The following FANCI variants were observed in gnomAD, a reference collection of about 807,000 sequenced individuals.
FANCI encodes FA complementation group I, also known as Fanconi anemia group I protein.
In FANCI, 156 loss-of-function variants were observed where a neutral mutation model predicts 176.1. That is an observed-to-expected ratio of 0.89 (90% confidence interval 0.78 to 1.01). The LOEUF is 1.01. Among genes scored for constraint, FANCI ranks in the 50% least tolerant of loss-of-function variants. FANCI has a pLI of 0.00. For synonymous variants in FANCI, 613 were observed against 541.7 expected (o/e 1.13, Z -1.83); for missense variants, 1,678 against 1,534.1 (o/e 1.09, Z -1.57).
intron 6 of FANCI, 106 bp downstream of exon 6, chr15:89,261,984 G>A: frequency 1.0e-6 from 1 of 989,328 alleles, no homozygotes; most frequent in East Asian, 2.6e-5. Context: ...CTTCTTTTTT[G>A]TTGTTTTTAA....
intron 17 of FANCI, among the ~76,000 whole-genome samples, chr15:89,284,368 C>G (rs543841886): frequency 6.6e-6 from 1 of 152,226 alleles, no homozygotes; most frequent in Middle Eastern, 3.4e-3. Flanking sequence ...ACTAGGAATC[C>G]TCACTTTATT....
Position 89,278,755 on chromosome 15 carries a change from TC to T in FANCI, c.1365del (p.Ile456SerfsTer5). ...ACAGGGTTGTTACCAGAGCATCTTC[TC>T]CCATCAGTCATTTCTTAGGTATTCA... ...LNRVVTRASS[P>X]ISHFLDLLSN... is the part of the protein sequence containing the mutation. On this transcript the variant is annotated frameshift_variant, in exon 14 of 38. Transcript: ENST00000310775. LOFTEE classifies it high-confidence loss of function. 6.2e-7 allele frequency: 1 copy of T among 1,613,402 alleles called. No individual in the cohort carries two copies. The highest frequency in any genetic ancestry group is 8.5e-7 in the Non-Finnish European group (1 of 1,179,384).
At position 89,292,867 on chromosome 15, in the gene FANCI, A is replaced by C; in HGVS notation, c.2169+3A>C. Reference sequence around the variant, plus strand: ...GTGAGCTGGAAGACTTTGAACTGGTAATTGCTAAGTCCTCAGCTGTATTGA... The same window carrying C: ...GTGAGCTGGAAGACTTTGAACTGGTCATTGCTAAGTCCTCAGCTGTATTGA... On this transcript the variant is annotated splice_donor_region_variant and intron_variant, in intron 21 of 37. Coordinates refer to ENST00000310775, the MANE Select transcript of FANCI (RefSeq NM_001113378.2). 1 of 1,614,058 alleles carries C rather than the reference A, an allele frequency of 6.2e-7. No homozygotes were observed. Among genetic ancestry groups the C allele is most frequent in the African/African-American group, 1.3e-5 (1 of 75,040 alleles).
chr15:89,305,850 A>G (rs1596325398), intron 31 of FANCI, 152 bp downstream of exon 31: 5 of 1,093,542 alleles, frequency 4.6e-6, no homozygotes, highest in Non-Finnish European at 4.1e-6. Flanking sequence ...GTAGAAGATC[A>G]TATGTCTTAT....
chr15:89,296,990 C>T (rs1489131143), intron 24 of FANCI, among the ~76,000 whole-genome samples: 3 of 150,446 alleles, frequency 2.0e-5, no homozygotes, highest in South Asian at 2.1e-4. Context: ...ACCTCCCTCC[C>T]GGACGGGGCG....
chr15:89,294,441 C>T (rs111366904), intron 23 of FANCI, among the ~76,000 whole-genome samples: 5,006 of 152,004 alleles, frequency 0.033, 286 homozygotes, highest in African/African-American at 0.11. Flanking sequence ...CAAAATTAGC[C>T]GGGCATGGTG....
At chr15:89,297,624 G>A (rs998223840) in intron 24 of FANCI, among the ~76,000 whole-genome samples, 1 of 152,156 alleles carries the variant, frequency 6.6e-6, no homozygotes, top group Non-Finnish European at 1.5e-5. Context: ...AGTCAGGTGT[G>A]GCGGCAATTG....
chr15:89,280,995 T>C (rs898128594), intron 14 of FANCI, among the ~76,000 whole-genome samples, 175 bp from the exon 15 acceptor site: 41 of 152,236 alleles, frequency 2.7e-4, no homozygotes, highest in African/African-American at 9.4e-4. Context: ...GCTAAAATTA[T>C]CCTGGTTACA....
chr15:89,249,056 C>G (rs1207804048), intron 2 of FANCI, among the ~76,000 whole-genome samples: 1 of 152,084 alleles, frequency 6.6e-6, no homozygotes, highest in South Asian at 2.1e-4. Context: ...TAACTGTCAC[C>G]TTTTTTAGAT....
chr15:89,289,172 A>G (rs1289111615), intron 18 of FANCI, among the ~76,000 whole-genome samples: 1 of 151,772 alleles, frequency 6.6e-6, no homozygotes, highest in Non-Finnish European at 1.5e-5. Context: ...CCATTTTAAA[A>G]TTTTGCCTGT....
chr15:89,285,986 GT>G (rs34746984), intron 18 of FANCI, among the ~76,000 whole-genome samples: 55 of 149,760 alleles, frequency 3.7e-4, no homozygotes, highest in South Asian at 1.5e-3. Flanking sequence ...TCCAAACTTA[GT>G]TTTTTTTTTT....
intron 1 of FANCI, among the ~76,000 whole-genome samples, chr15:89,247,006 T>C (rs1184274418): frequency 6.6e-6 from 1 of 151,466 alleles, no homozygotes; most frequent in African/African-American, 2.4e-5. Flanking sequence ...CCTGACTTCG[T>C]GATCTGCCCT....
At chr15:89,279,544 A>G (rs1445846769) in intron 14 of FANCI, among the ~76,000 whole-genome samples, 1 of 152,200 alleles carries the variant, frequency 6.6e-6, no homozygotes, top group East Asian at 1.9e-4. Context: ...CGTGTCATTC[A>G]TCACTGTTTA....
intron 9 of FANCI, among the ~76,000 whole-genome samples, chr15:89,264,835 A>T (rs2052871386): frequency 6.6e-6 from 1 of 152,178 alleles, no homozygotes; most frequent in East Asian, 1.9e-4. Context: ...CAAGTTTAAA[A>T]CCTATTTATT....
At chr15:89,289,617 T>C (rs2053980437) in intron 18 of FANCI, among the ~76,000 whole-genome samples, 2 of 152,292 alleles carry the variant, frequency 1.3e-5, no homozygotes, top group South Asian at 4.1e-4. Context: ...GTTTCTTTTC[T>C]TTAAACAAAA....
Position 89,314,172 on chromosome 15 carries a change from G to T in FANCI, c.3721-440G>T, listed in dbSNP as rs999523631. On this transcript the variant is annotated intron_variant, in intron 35 of 37. Transcript: ENST00000310775. The stretch of plus-strand genomic sequence containing the variant: ...ACAAAAATGTAGGACCTTTCGTTAG[G>T]GGGAAAGACACACACACACACACGT... Among the ~76,000 whole-genome samples, 6 of 130,238 alleles carry T rather than the reference G, an allele frequency of 4.6e-5. No homozygotes were observed. The South Asian group carries it at 1.5e-3, about 32-fold the overall frequency. The allele number at this position is 130,238 out of a possible 152,430, so 85.4% of individuals were successfully genotyped here.
At chr15:89,254,140 T>C (rs1033036895) in intron 2 of FANCI, among the ~76,000 whole-genome samples, 1 of 152,170 alleles carries the variant, frequency 6.6e-6, no homozygotes, top group Non-Finnish European at 1.5e-5. Context: ...GGTGGATCAC[T>C]TGAGTCCGGG....
chr15:89,274,288 G>A lies in FANCI; in HGVS notation c.1096G>A (p.Glu366Lys). The change falls in exon 12 of 38, where the codon GAA (glutamate) becomes AAA (lysine). Residue 366 changes from glutamate (E) to lysine (K), a missense_variant. By Grantham distance (56) the Glu-to-Lys change is moderately conservative. Transcript: ENST00000310775. ...ATCTTATGTTTCAACCATGATCTTG[G>A]AAGTAGTGAAGAATAGGTAAGTTGG... ...HRSYVSTMIL[E>K]VVKNSVHSWD... The A allele has an allele frequency of 1.9e-6, 3 of 1,613,634 alleles. No individual in the cohort carries two copies. The highest frequency in any genetic ancestry group is 2.5e-6 in the Non-Finnish European group (3 of 1,179,840).
intron 1 of FANCI, among the ~76,000 whole-genome samples, chr15:89,245,036 G>A (rs887186045): frequency 4.6e-5 from 7 of 152,132 alleles, no homozygotes; most frequent in Non-Finnish European, 8.8e-5. Context: ...TCTAGTGGGA[G>A]ATAACATTTG....
Sources: allele counts gnomAD v4.1 joint callset (sites outside exome capture counted in the v4.1 genomes callset), GRCh38; gene constraint gnomAD v4.1.1; transcripts MANE v1.5; gene names NCBI Gene and HGNC (gene_info 2026-07-23, HGNC 2026-07-21).